Variants in MDGA2 observed in about 807,000 individuals in gnomAD.
MDGA2 encodes the protein MAM domain containing glycosylphosphatidylinositol anchor 2.
Under a neutral mutation model 117.8 loss-of-function variants are expected in MDGA2, and 40 were observed. The ratio of observed to expected loss-of-function variants is 0.34; its 90% confidence interval spans 0.26 to 0.44. The LOEUF (loss-of-function observed/expected upper bound fraction) is 0.44. MDGA2 is among the 20% of genes least tolerant of loss of function. The pLI, the probability that MDGA2 is intolerant of heterozygous loss-of-function variation, is 1.00. For synonymous variants in MDGA2, 452 were observed against 439.0 expected, an observed-to-expected ratio of 1.03 and a Z score of -0.37; for missense variants, 1,123 against 1,250.6, an observed-to-expected ratio of 0.90 and a Z score of 1.54.
At chr14:47,593,584 G>T (rs1336252328) in intron 1 of MDGA2, among the ~76,000 whole-genome samples, 5 of 152,138 alleles carry the variant, frequency 3.3e-5, no homozygotes, top group African/African-American at 9.7e-5. Context: ...GCAGGGACAT[G>T]GATGGAGTTG....
At chr14:46,871,866 G>T in intron 14 of MDGA2, 1 of 367,038 alleles carries the variant, frequency 2.7e-6, no homozygotes. Context: ...AAAGCTTTCT[G>T]GCTGGGCACA....
At chr14:47,517,872 AGT>A (rs1242386012) in intron 1 of MDGA2, among the ~76,000 whole-genome samples, 1 of 152,154 alleles carries the variant, frequency 6.6e-6, no homozygotes, top group Non-Finnish European at 1.5e-5. Flanking sequence ...ATAAAGAAAA[AGT>A]GTGTCTTAAA....
At chr14:47,082,465 A>C (rs984263071) in intron 6 of MDGA2, among the ~76,000 whole-genome samples, 3 of 152,124 alleles carry the variant, frequency 2.0e-5, no homozygotes, top group South Asian at 2.1e-4. Context: ...ACTCGACTGG[A>C]AACACTGAAA....
At chr14:47,130,944 C>T (rs796518750) in intron 5 of MDGA2, among the ~76,000 whole-genome samples, 2 of 152,026 alleles carry the variant, frequency 1.3e-5, no homozygotes, top group Non-Finnish European at 2.9e-5. Context: ...GTGCAGCACA[C>T]CAACATGGCC....
intron 1 of MDGA2, among the ~76,000 whole-genome samples, chr14:47,506,371 A>G (rs1301403132): frequency 6.6e-6 from 1 of 152,232 alleles, no homozygotes; most frequent in Non-Finnish European, 1.5e-5. Flanking sequence ...CCTTGTTCAC[A>G]CCCAGATATG....
intron 2 of MDGA2, among the ~76,000 whole-genome samples, chr14:47,260,727 G>A (rs1887767647): frequency 6.6e-6 from 1 of 152,120 alleles, no homozygotes. Context: ...ACTGGACTGG[G>A]TCTGAACACA....
intron 3 of MDGA2, chr14:47,200,981 T>G (rs1885483686): frequency 2.4e-6 from 2 of 831,276 alleles, no homozygotes; most frequent in African/African-American, 1.7e-5. Context: ...CCAGAAATGT[T>G]GATGCCTTCG....
chr14:47,410,624 G>C (rs1892352512), intron 1 of MDGA2, among the ~76,000 whole-genome samples: 1 of 152,024 alleles, frequency 6.6e-6, no homozygotes, highest in Admixed American at 6.6e-5. Flanking sequence ...ATGCATGGCT[G>C]AAGAGAGAGA....
chr14:46,932,258 AAAAG>A (rs1884609918), intron 9 of MDGA2, among the ~76,000 whole-genome samples: 1 of 152,194 alleles, frequency 6.6e-6, no homozygotes, highest in South Asian at 2.1e-4. Context: ...AAATTAAAAA[AAAAG>A]AAAGGAAGAT....
At chr14:47,527,157 G>A (rs1306545440) in intron 1 of MDGA2, among the ~76,000 whole-genome samples, 2 of 151,924 alleles carry the variant, frequency 1.3e-5, no homozygotes, top group African/African-American at 4.8e-5. Flanking sequence ...AGTCAAACAG[G>A]GTATTTATTC....
At chr14:47,239,365 T>C (rs1886967073) in intron 2 of MDGA2, among the ~76,000 whole-genome samples, 1 of 151,818 alleles carries the variant, frequency 6.6e-6, no homozygotes, top group South Asian at 2.1e-4. Flanking sequence ...GCTTCTACTT[T>C]AACATGTCTA....
At chr14:47,160,842 T>A (rs956092352) in intron 3 of MDGA2, among the ~76,000 whole-genome samples, 2 of 152,182 alleles carry the variant, frequency 1.3e-5, no homozygotes, top group Non-Finnish European at 2.9e-5. Context: ...ACATTTCTAA[T>A]ACTAACTTTA....
chr14:47,114,497 G>T (rs1881214797), intron 5 of MDGA2, among the ~76,000 whole-genome samples: 1 of 152,038 alleles, frequency 6.6e-6, no homozygotes, highest in African/African-American at 2.4e-5. Flanking sequence ...AAAGCTGGAG[G>T]CATCACACTA....
At chr14:47,172,776 G>T (rs1429777637) in intron 3 of MDGA2, among the ~76,000 whole-genome samples, 1 of 152,184 alleles carries the variant, frequency 6.6e-6, no homozygotes, top group African/African-American at 2.4e-5. Flanking sequence ...TTCCTCACTA[G>T]CAACGGAACA....
At chr14:46,991,816 G>A (rs1363792729) in intron 8 of MDGA2, among the ~76,000 whole-genome samples, 1 of 152,052 alleles carries the variant, frequency 6.6e-6, no homozygotes, top group Admixed American at 6.6e-5. Flanking sequence ...CAAATATTTT[G>A]TGCCTTCAAT....
chr14:47,147,675 G>T (rs544933321), intron 3 of MDGA2, among the ~76,000 whole-genome samples: 65 of 152,254 alleles, frequency 4.3e-4, no homozygotes, highest in Non-Finnish European at 7.6e-4. Flanking sequence ...CAGTTCTGGG[G>T]AAGGGATCTA....
intron 8 of MDGA2, among the ~76,000 whole-genome samples, chr14:47,004,918 T>C (rs957247918): frequency 3.2e-4 from 49 of 151,622 alleles, no homozygotes; most frequent in African/African-American, 1.2e-3. Flanking sequence ...AAACAGAAGA[T>C]ATGGGGTGAA....
At chr14:47,493,272 A>G (rs1402452589) in intron 1 of MDGA2, among the ~76,000 whole-genome samples, 1 of 149,220 alleles carries the variant, frequency 6.7e-6, no homozygotes, top group Non-Finnish European at 1.5e-5. Context: ...CTGTTATAAC[A>G]AAATCATGTA....
chr14:46,866,833 C>T (rs1881786126), intron 14 of MDGA2, among the ~76,000 whole-genome samples: 2 of 152,236 alleles, frequency 1.3e-5, no homozygotes, highest in Non-Finnish European at 1.5e-5. Flanking sequence ...AAATCAAAAC[C>T]ACAATCAGAT....
Sources: gnomAD v4.1 joint callset for allele counts (sites outside exome capture counted in the v4.1 genomes callset) on GRCh38, gnomAD v4.1.1 for gene constraint, MANE v1.5 for transcripts, NCBI Gene and HGNC (gene_info 2026-07-23, HGNC 2026-07-21) for gene names.